ICA1L: variants seen among roughly 807,000 people sequenced by gnomAD.
The protein encoded by ICA1L is islet cell autoantigen 1 like.
ICA1L carries 50 observed loss-of-function variants against 61.3 expected under a neutral mutation model. The ratio of observed to expected loss-of-function variants is 0.82; its 90% CI spans 0.65 to 1.03. The LOEUF (loss-of-function observed/expected upper bound fraction) is 1.03, where lower values mean the gene tolerates loss of function less well. Ranked by LOEUF, ICA1L falls within the 50% of genes least tolerant of loss-of-function variation. ICA1L has a pLI of 0.00. For missense variants in ICA1L, 508 were observed against 556.7 expected (o/e 0.91, Z 0.88); for synonymous variants, 161 against 191.3 (o/e 0.84, Z 1.31).
intron 1 of ICA1L, among the ~76,000 whole-genome samples, chr2:202,842,002 C>T (rs894990483): frequency 6.6e-6 from 1 of 152,014 alleles, no homozygotes; most frequent in African/African-American, 2.4e-5. Flanking sequence ...AGGCACCTAC[C>T]ACCAGGCCCA....
At chr2:202,840,761 C>T (rs1694306065) in intron 1 of ICA1L, 1 of 590,148 alleles carries the variant, frequency 1.7e-6, no homozygotes, top group African/African-American at 1.8e-5. Context: ...CAACTCCCCA[C>T]ACTGCTAGGC....
intron 10 of ICA1L, among the ~76,000 whole-genome samples, chr2:202,794,984 A>G (rs989367612): frequency 1.5e-5 from 2 of 131,302 alleles, no homozygotes; most frequent in Admixed American, 8.3e-5. Context: ...AAAAGTAAAC[A>G]TGCAAAAATA....
chr2:202,796,866 T>C (rs1344509062), intron 10 of ICA1L, 24 bp downstream of exon 10: 1 of 1,344,378 alleles, frequency 7.4e-7, no homozygotes, highest in Non-Finnish European at 1.0e-6. Context: ...GAATCATTCA[T>C]ATGTAGAGTG....
intron 8 of ICA1L, 115 bp from the exon 9 acceptor site, chr2:202,811,904 A>G (rs1693390216): frequency 1.3e-6 from 1 of 743,036 alleles, no homozygotes; most frequent in Non-Finnish European, 2.4e-6. Flanking sequence ...ACATAAAATC[A>G]TTGTCCACTA....
At chr2:202,782,328 G>A (rs1242634756) in intron 12 of ICA1L, among the ~76,000 whole-genome samples, 1 of 151,862 alleles carries the variant, frequency 6.6e-6, no homozygotes, top group Non-Finnish European at 1.5e-5. Context: ...CTTGGTGAGA[G>A]AGCACAACTC....
At position 202,811,751 on chromosome 2, in the gene ICA1L, T is replaced by C. The variant is rs1693385552; in HGVS notation, c.905A>G (p.Glu302Gly). The change falls in exon 9 of 13, where the codon GAA becomes GGA. Residue 302 changes from glutamate (E) to glycine (G), a missense_variant. Transcript: ENST00000358299. ...TAATAAATTTACCATCTTACCTTGTTCACTCTCAAAGCTTGCTTCCTCATC... is the reference window on the plus strand; with the variant it reads ...TAATAAATTTACCATCTTACCTTGTCCACTCTCAAAGCTTGCTTCCTCATC... ...LSDEEASFES[E>G]QANKDHNEKH... is the part of the protein sequence containing the mutation. The C allele has an allele frequency of 6.2e-7, 1 of 1,603,226 alleles. No individual in the cohort carries two copies. The highest frequency in any genetic ancestry group is 2.2e-5 in the East Asian group (1 of 44,796).
intron 12 of ICA1L, among the ~76,000 whole-genome samples, chr2:202,782,075 G>A (rs905385852): frequency 1.4e-4 from 21 of 152,146 alleles, no homozygotes; most frequent in Admixed American, 6.5e-4. Flanking sequence ...GCCGGACATG[G>A]TGGTTCATGC....
At chr2:202,810,037 G>A (rs1177091981) in intron 9 of ICA1L, among the ~76,000 whole-genome samples, 1 of 152,052 alleles carries the variant, frequency 6.6e-6, no homozygotes, top group African/African-American at 2.4e-5. Flanking sequence ...ACTACCTCAA[G>A]GCATTTAGTA....
chr2:202,793,391 A>C (rs893825555), intron 10 of ICA1L, among the ~76,000 whole-genome samples: 4 of 149,740 alleles, frequency 2.7e-5, no homozygotes, highest in Admixed American at 1.4e-4. Flanking sequence ...ACAGTGGCTC[A>C]CACTTAGCAA....
At chr2:202,843,804 C>T (rs981675613) in intron 1 of ICA1L, among the ~76,000 whole-genome samples, 2 of 152,336 alleles carry the variant, frequency 1.3e-5, no homozygotes, top group African/African-American at 4.8e-5. Flanking sequence ...TGGTACCCAG[C>T]GTTCAGCCAC....
intron 1 of ICA1L, among the ~76,000 whole-genome samples, chr2:202,863,940 TTAAA>T (rs1687381784): frequency 6.6e-6 from 1 of 151,974 alleles, no homozygotes; most frequent in South Asian, 2.1e-4. Flanking sequence ...ACAACTTAAG[TTAAA>T]TAGACAAATT....
At position 202,781,412 on chromosome 2, in the gene ICA1L, TA is replaced by T. The variant is rs1207188554; in HGVS notation, c.1334-1765del. 2.7e-3 allele frequency among the ~76,000 whole-genome samples: 388 copies of T among 143,624 alleles called. 10 individuals carry two copies. The East Asian group carries it at 0.052, about 19-fold the overall frequency. 94.2% of individuals were successfully genotyped at this position (143,624 alleles called of 152,430 possible). The stretch of plus-strand genomic sequence containing the variant: ...ACATGGTGAAACCCCTGTCTCTACT[TA>T]AAAAAAAAAAATTAGCAGGGCGTGG... On this transcript the variant is annotated intron_variant, in intron 12 of 12. Coordinates refer to ENST00000358299, the MANE Select transcript of ICA1L (RefSeq NM_001288622.3).
intron 1 of ICA1L, chr2:202,841,184 A>G: frequency 1.5e-6 from 1 of 677,766 alleles, no homozygotes; most frequent in Admixed American, 1.8e-5. Flanking sequence ...CTTCATCCAC[A>G]TACTGCCTGA....
At chr2:202,828,159 G>C (rs147977118) in intron 2 of ICA1L, among the ~76,000 whole-genome samples, 3 of 151,660 alleles carry the variant, frequency 2.0e-5, no homozygotes, top group Non-Finnish European at 4.4e-5. Context: ...AGCTACTCAG[G>C]GGGCTGAGGC....
At chr2:202,844,821 T>TA (rs1261280133) in intron 1 of ICA1L, among the ~76,000 whole-genome samples, 1 of 152,216 alleles carries the variant, frequency 6.6e-6, no homozygotes, top group Non-Finnish European at 1.5e-5. Flanking sequence ...CTTAGTAACT[T>TA]ACAACAAAAT....
intron 12 of ICA1L, among the ~76,000 whole-genome samples, chr2:202,780,359 G>T (rs1048389720): frequency 1.3e-5 from 2 of 152,098 alleles, no homozygotes; most frequent in Non-Finnish European, 2.9e-5. Context: ...TTTATCTCAG[G>T]TACAACTTCT....
chr2:202,774,263 C>T lies in ICA1L; in HGVS notation c.*5270G>A, dbSNP rs558954797. 15 of 1,545,664 alleles carry T rather than the reference C, an allele frequency of 9.7e-6. No homozygotes were observed. In the Admixed American group the frequency reaches 1.0e-4, roughly 10 times the overall value. ...CTTCTCGCTCCTGTCGGCCAAAGGC[C>T]GTGACCCCGACGCGTGCAGGCACCT... On this transcript the variant is annotated 3_prime_UTR_variant, in exon 13 of 13. Transcript: ENST00000358299.
At chr2:202,815,831 T>TAAA in intron 7 of ICA1L, 80 bp downstream of exon 7, 2 of 696,126 alleles carry the variant, frequency 2.9e-6, no homozygotes, top group Non-Finnish European at 2.1e-6. Context: ...TAACCTTGGT[T>TAAA]AAAAAAAAAA....
intron 10 of ICA1L, among the ~76,000 whole-genome samples, chr2:202,789,523 C>T (rs1273431248): frequency 6.6e-6 from 1 of 152,076 alleles, no homozygotes; most frequent in Non-Finnish European, 1.5e-5. Context: ...TCTTCTTAAC[C>T]ACACATTGAA....
Sources: allele counts gnomAD v4.1 joint callset (sites outside exome capture counted in the v4.1 genomes callset), GRCh38; gene constraint gnomAD v4.1.1; transcripts MANE v1.5; gene names NCBI Gene and HGNC (gene_info 2026-07-23, HGNC 2026-07-21).